The following RAD51B variants were observed in gnomAD, a reference collection of about 807,000 sequenced individuals.
The protein encoded by RAD51B is DNA repair protein RAD51 homolog 2.
In RAD51B, 38 loss-of-function variants were observed where a neutral mutation model predicts 42.2. The ratio of observed to expected loss-of-function variants is 0.90; its 90% confidence interval spans 0.70 to 1.18. RAD51B has a LOEUF of 1.18. Ranked by LOEUF, RAD51B falls within the 50% of genes most tolerant of loss-of-function variation. The pLI, the probability that RAD51B is intolerant of heterozygous loss-of-function variation, is 0.00. For synonymous variants in RAD51B, 154 were observed against 145.2 expected, an observed-to-expected ratio of 1.06 and a Z score of -0.43; for missense variants, 373 against 400.7, an observed-to-expected ratio of 0.93 and a Z score of 0.59.
chr14:68,556,475 A>C (rs1341371645), intron 10 of RAD51B, among the ~76,000 whole-genome samples: 1 of 152,190 alleles, frequency 6.6e-6, no homozygotes, highest in Non-Finnish European at 1.5e-5. Context: ...GGCTACCCAG[A>C]GGACAAGTGA....
At chr14:67,963,212 G>T (rs184169800) in intron 7 of RAD51B, among the ~76,000 whole-genome samples, 1 of 151,906 alleles carries the variant, frequency 6.6e-6, no homozygotes, top group Non-Finnish European at 1.5e-5. Context: ...GTGTATATGT[G>T]TATCCATGTG....
At chr14:68,419,786 T>C (rs146392098) in intron 9 of RAD51B, among the ~76,000 whole-genome samples, 148 of 151,412 alleles carry the variant, frequency 9.8e-4, no homozygotes, top group Middle Eastern at 3.4e-3. Context: ...TCAGTCAATC[T>C]TTATTTTGAA....
chr14:68,351,672 A>G (rs1456474827), intron 8 of RAD51B, among the ~76,000 whole-genome samples: 2 of 152,206 alleles, frequency 1.3e-5, no homozygotes, highest in Non-Finnish European at 1.5e-5. Flanking sequence ...AGAGCGCTCT[A>G]TGGAGAGGAG....
chr14:68,521,144 AGCTGGGGCCT>A (rs1346409396), intron 10 of RAD51B, among the ~76,000 whole-genome samples: 1 of 152,212 alleles, frequency 6.6e-6, no homozygotes, highest in African/African-American at 2.4e-5. Flanking sequence ...GAGAGGCAAC[AGCTGGGGCCT>A]GCTCTCTGGG....
intron 5 of RAD51B, among the ~76,000 whole-genome samples, chr14:67,879,428 A>T (rs1008278989): frequency 6.6e-6 from 1 of 151,994 alleles, no homozygotes; most frequent in Non-Finnish European, 1.5e-5. Flanking sequence ...TGACTGTCAT[A>T]TATTTTTTGT....
chr14:67,907,217 G>A (rs982081860), intron 7 of RAD51B, among the ~76,000 whole-genome samples: 5 of 151,762 alleles, frequency 3.3e-5, no homozygotes, highest in Admixed American at 1.3e-4. Context: ...ATGGTTTTTC[G>A]TGACTCAATT....
intron 8 of RAD51B, among the ~76,000 whole-genome samples, chr14:68,393,717 G>A (rs2083828069): frequency 6.6e-6 from 1 of 152,162 alleles, no homozygotes; most frequent in Non-Finnish European, 1.5e-5. Context: ...CTTTGACATG[G>A]CAATGGAGGC....
chr14:68,671,433 A>G (rs1381738789), intron 11 of RAD51B, among the ~76,000 whole-genome samples: 1 of 152,030 alleles, frequency 6.6e-6, no homozygotes, highest in Non-Finnish European at 1.5e-5. Flanking sequence ...GGCCAGACAT[A>G]CAAACCCACC....
chr14:68,075,769 A>AG (rs1481193994), intron 7 of RAD51B, among the ~76,000 whole-genome samples: 1 of 149,006 alleles, frequency 6.7e-6, no homozygotes, highest in Non-Finnish European at 1.5e-5. Context: ...GGTAAAGAGG[A>AG]GGGGGTGAGG....
At chr14:68,267,766 A>G (rs1012918885) in intron 7 of RAD51B, among the ~76,000 whole-genome samples, 22 of 152,232 alleles carry the variant, frequency 1.4e-4, no homozygotes, top group Non-Finnish European at 2.9e-4. Context: ...AGTTAACATC[A>G]GATTAATCGT....
chr14:68,376,258 C>T (rs1042271177), intron 8 of RAD51B, among the ~76,000 whole-genome samples: 2 of 152,154 alleles, frequency 1.3e-5, no homozygotes, highest in African/African-American at 4.8e-5. Flanking sequence ...TTTGTATCTA[C>T]GACCTCATGA....
intron 11 of RAD51B, among the ~76,000 whole-genome samples, chr14:68,680,746 T>C (rs1366585727): frequency 6.6e-6 from 1 of 152,102 alleles, no homozygotes; most frequent in East Asian, 1.9e-4. Context: ...TCCAGTGGAG[T>C]GACTTAATGA....
At chr14:67,984,891 T>G (rs192065361) in intron 7 of RAD51B, among the ~76,000 whole-genome samples, 5 of 152,236 alleles carry the variant, frequency 3.3e-5, no homozygotes, top group Admixed American at 2.6e-4. Flanking sequence ...AATAAATTGG[T>G]ACCCAAATAG....
chr14:68,540,629 T>C (rs1887913382), intron 10 of RAD51B: 1 of 985,258 alleles, frequency 1.0e-6, no homozygotes, highest in South Asian at 4.7e-5. Flanking sequence ...CCAAAGAAAG[T>C]CACCTGGGGA....
intron 7 of RAD51B, among the ~76,000 whole-genome samples, chr14:68,246,010 G>A (rs927986000): frequency 6.6e-6 from 1 of 152,108 alleles, no homozygotes; most frequent in African/African-American, 2.4e-5. Context: ...TGTAAGCCAA[G>A]GAGAGACAAG....
rs1384900167 is a variant in RAD51B at position 68,291,884 on chromosome 14, G to A, written c.757G>A (p.Val253Ile). The change falls in exon 8 of 11, where the codon GTT becomes ATT. Residue 253 changes from valine to isoleucine, a missense_variant and splice_region_variant. Transcript: ENST00000471583. ...ACCCCTTCTCCCTGTCTGTTCACAG[G>A]TTATCTTGACGAATCAGATTACAAC... ...KYLAEEFSIP[V>I]ILTNQITTHL... The A allele has an allele frequency of 1.9e-6, 3 of 1,612,172 alleles. No individual in the cohort carries two copies. Among genetic ancestry groups the A allele is most frequent in the Non-Finnish European group, 2.5e-6 (3 of 1,178,320 alleles).
intron 7 of RAD51B, among the ~76,000 whole-genome samples, chr14:68,232,599 TA>T (rs2080169943): frequency 6.6e-6 from 1 of 152,194 alleles, no homozygotes. Context: ...TCCAAAGTCA[TA>T]AGGCTCAGGG....
chr14:68,111,929 G>T (rs925831372), intron 7 of RAD51B, among the ~76,000 whole-genome samples: 1 of 152,036 alleles, frequency 6.6e-6, no homozygotes, highest in African/African-American at 2.4e-5. Context: ...TGTTCCCCTA[G>T]ACCTCATTGC....
intron 8 of RAD51B, among the ~76,000 whole-genome samples, chr14:68,333,922 C>T (rs1595719468): frequency 6.6e-6 from 1 of 152,148 alleles, no homozygotes; most frequent in Non-Finnish European, 1.5e-5. Context: ...CCAACATCTT[C>T]CCATCCCCCT....
Sources: allele counts gnomAD v4.1 joint callset (sites outside exome capture counted in the v4.1 genomes callset), GRCh38; gene constraint gnomAD v4.1.1; transcripts MANE v1.5; gene names NCBI Gene and HGNC (gene_info 2026-07-23, HGNC 2026-07-21).